The following DAGLB variants were observed in gnomAD, a reference collection of about 807,000 sequenced individuals.
The protein encoded by DAGLB is diacylglycerol lipase-beta.
Under a neutral mutation model 72.1 loss-of-function variants are expected in DAGLB, and 66 were observed. The ratio of observed to expected loss-of-function variants is 0.92; its 90% CI spans 0.75 to 1.12. The LOEUF is 1.12. Among genes scored for constraint, DAGLB ranks in the 50% most tolerant of loss-of-function variants. DAGLB has a pLI of 0.00. For missense variants in DAGLB, 1,065 were observed against 884.9 expected (o/e 1.20, Z -2.58); for synonymous variants, 414 against 359.5 (o/e 1.15, Z -1.71).
chr7:6,447,001 C>T (rs905810946), intron 1 of DAGLB, among the ~76,000 whole-genome samples: 23 of 152,118 alleles, frequency 1.5e-4, no homozygotes, highest in African/African-American at 5.5e-4. Flanking sequence ...CAGAGTGAGA[C>T]CCTGTCTCAA....
Position 6,409,569 on chromosome 7 carries a change from G to A in DAGLB, c.*268C>T, listed in dbSNP as rs113378075. 5.3e-5 allele frequency: 27 copies of A among 514,054 alleles called. No individual in the cohort carries two copies. Among genetic ancestry groups the A allele is most frequent in the African/African-American group, 3.8e-4 (20 of 52,038 alleles). 31.8% of individuals were successfully genotyped at this position (514,054 alleles called of 1,614,324 possible). On this transcript the variant is annotated 3_prime_UTR_variant, in exon 15 of 15. Coordinates refer to ENST00000297056, the MANE Select transcript of DAGLB (RefSeq NM_139179.4). ...TCAGACAGCCAAGGGATCCATCCAC[G>A]GGCCAGGGCTTCCCGAGGCTGTCTC...
chr7:6,437,605 T>C lies in DAGLB; in HGVS notation c.248-1072A>G, dbSNP rs188838971. Among the ~76,000 whole-genome samples the C allele has an allele frequency of 2.3e-3, 344 of 152,244 alleles. 5 individuals are homozygous for C. Among genetic ancestry groups the C allele is most frequent in the Admixed American group, 0.02 (302 of 15,272 alleles). On this transcript the variant is annotated intron_variant, in intron 2 of 14. Coordinates refer to ENST00000297056, the MANE Select transcript of DAGLB (RefSeq NM_139179.4). ...CACCACCACGCTGAAATAGGCCTCA[T>C]AGTCCCATAGACAGTTGTTTTTTTG...
chr7:6,440,979 G>A (rs1405940643), intron 2 of DAGLB, among the ~76,000 whole-genome samples: 1 of 151,674 alleles, frequency 6.6e-6, no homozygotes, highest in African/African-American at 2.4e-5. Flanking sequence ...TTTGAGGGGG[G>A]GACGGAGTTT....
chr7:6,432,870 G>A lies in DAGLB; in HGVS notation c.768C>T (p.Ala256=). 1 of 1,613,938 alleles carries A rather than the reference G, an allele frequency of 6.2e-7. No individual in the cohort carries two copies. Among genetic ancestry groups the A allele is most frequent in the Non-Finnish European group, 8.5e-7 (1 of 1,180,016 alleles). ...TCCCTGGGGCATGGCAGACCACCTG[G>A]GCAGGCTCTTGGTTGTTCCTGATAT... ...QDNIRNNQEP[A]QVVCHAPGSS... Residue 256 remains alanine (A), a synonymous_variant, in exon 5 of 15, where the codon GCC becomes GCT. Transcript: ENST00000297056.
At position 6,447,937 on chromosome 7, in the gene DAGLB, G is replaced by A. The variant is rs980449919; in HGVS notation, c.-95C>T. 7.0e-5 allele frequency: 103 copies of A among 1,461,218 alleles called. No individual in the cohort carries two copies. The highest frequency in any genetic ancestry group is 8.8e-5 in the Non-Finnish European group (98 of 1,109,978). 90.5% of individuals were successfully genotyped at this position (1,461,218 alleles called of 1,614,324 possible). On this transcript the variant is annotated 5_prime_UTR_variant, in exon 1 of 15. Coordinates refer to ENST00000297056, the MANE Select transcript of DAGLB (RefSeq NM_139179.4). ...TCCGGACGCCGCCACCAAATTATCG[G>A]CGCTCAAGCGCAAACGCAGCGAGGG...
chr7:6,420,031 C>T (rs975668868), intron 9 of DAGLB, among the ~76,000 whole-genome samples: 2 of 152,162 alleles, frequency 1.3e-5, no homozygotes, highest in Non-Finnish European at 2.9e-5. Flanking sequence ...CCTGTAATCC[C>T]AGCTACTTGG....
In DAGLB at chr7:6,447,756, T is replaced by G. The variant is rs1444917456; in HGVS notation, c.87A>C (p.Arg29=). The change falls in exon 1 of 15, where the codon CGA becomes CGC. Residue 29 remains arginine (R), a synonymous_variant. Coordinates refer to ENST00000297056, the MANE Select transcript of DAGLB (RefSeq NM_139179.4). ...GTAGCCGCCGTCCTTACCACAGCAC[T>G]CGCACGACCAGCTCGAAGAACCCTG... ...VFPGFFELVV[R]VLWWIGILTL... 1 of 1,612,586 alleles carries G rather than the reference T, an allele frequency of 6.2e-7. No individual in the cohort carries two copies. Among genetic ancestry groups the G allele is most frequent in the African/African-American group, 1.3e-5 (1 of 74,726 alleles).
rs1196955020 is a variant in DAGLB, at chr7:6,416,668, C to CT, written c.1385dup (p.Val463GlyfsTer59). The CT allele has an allele frequency of 6.2e-7, 1 of 1,613,574 alleles. No homozygotes were observed. The highest frequency in any genetic ancestry group is 2.2e-5 in the East Asian group (1 of 44,894). ...GTGGGGAGAAGGCGTAGCACCTGAC[C>CT]TGCGGGTAGGCGGCTCTGAGCATGG... On this transcript the variant is annotated frameshift_variant, in exon 11 of 15. Transcript: ENST00000297056. LOFTEE classifies it high-confidence loss of function.
intron 5 of DAGLB, among the ~76,000 whole-genome samples, chr7:6,431,927 G>C (rs928765548): frequency 1.3e-5 from 2 of 152,208 alleles, no homozygotes; most frequent in African/African-American, 2.4e-5. Context: ...TGCTGCTAAT[G>C]AAACTGCTGT....
intron 5 of DAGLB, among the ~76,000 whole-genome samples, chr7:6,431,831 A>G (rs1784496577): frequency 2.6e-5 from 4 of 152,154 alleles, no homozygotes; most frequent in African/African-American, 9.6e-5. Flanking sequence ...GGTTCCCACT[A>G]CCTGAACTCC....
chr7:6,444,512 G>C (rs983846672), intron 2 of DAGLB, among the ~76,000 whole-genome samples: 2 of 152,272 alleles, frequency 1.3e-5, no homozygotes, highest in East Asian at 1.9e-4. Flanking sequence ...TGAGGCACAA[G>C]AATCACTTGA....
At chr7:6,428,789 A>T (rs1784391979) in intron 6 of DAGLB, among the ~76,000 whole-genome samples, 2 of 151,920 alleles carry the variant, frequency 1.3e-5, no homozygotes, top group Admixed American at 1.3e-4. Context: ...ACCTGGTGGG[A>T]TATAGACATA....
At chr7:6,442,735 G>C (rs1488211101) in intron 2 of DAGLB, among the ~76,000 whole-genome samples, 2 of 152,164 alleles carry the variant, frequency 1.3e-5, no homozygotes, top group African/African-American at 4.8e-5. Context: ...CTCCTTGCGT[G>C]GATGTTTCTA....
rs181587408 is a variant in DAGLB at position 6,423,691 on chromosome 7, G to A, written c.1140+1061C>T. Reference sequence around the variant, plus strand: ...CAACCTCCGCCTCCCGGGTTCAAGTGATTCTCCTGCCTCAGCCTCCTGAGT... The same window carrying A: ...CAACCTCCGCCTCCCGGGTTCAAGTAATTCTCCTGCCTCAGCCTCCTGAGT... On this transcript the variant is annotated intron_variant, in intron 8 of 14. Coordinates refer to ENST00000297056, the MANE Select transcript of DAGLB (RefSeq NM_139179.4). Among the ~76,000 whole-genome samples the A allele has an allele frequency of 7.9e-4, 119 of 151,092 alleles. 1 individual carries two copies. The highest frequency in any genetic ancestry group is 2.8e-3 in the African/African-American group (115 of 41,114).
rs565735912 is a variant in DAGLB, at chr7:6,417,064, G to A, written c.1219-143C>T. On this transcript the variant is annotated intron_variant, in intron 9 of 14. Transcript: ENST00000297056. The stretch of plus-strand genomic sequence containing the variant: ...TGCAGAATCAGCAGCCACGTCCATC[G>A]TGCATGGCTGTGCTCCTGGCACCTT... 5.3e-4 allele frequency: 467 copies of A among 876,240 alleles called. 2 individuals carry two copies. In the African/African-American group the frequency reaches 7.1e-3, roughly 13 times the overall value. The allele number at this position is 876,240 out of a possible 1,614,324, so 54.3% of individuals were successfully genotyped here. A position where few individuals can be genotyped will look rare whatever the true frequency, so the allele number is the denominator to read the frequency against.
intron 4 of DAGLB, 62 bp downstream of exon 4, chr7:6,434,700 G>A (rs1365645228): frequency 1.2e-6 from 2 of 1,603,046 alleles, no homozygotes; most frequent in African/African-American, 2.7e-5. Context: ...AGAGGGACCG[G>A]CTCCATCAGA....
At chr7:6,445,238 A>C (rs997906593) in intron 2 of DAGLB, among the ~76,000 whole-genome samples, 18 of 152,254 alleles carry the variant, frequency 1.2e-4, no homozygotes, top group African/African-American at 4.1e-4. Flanking sequence ...AATGCCTACC[A>C]AATGGCAAAG....
At chr7:6,439,459 C>A (rs933393419) in intron 2 of DAGLB, among the ~76,000 whole-genome samples, 2 of 152,100 alleles carry the variant, frequency 1.3e-5, no homozygotes, top group African/African-American at 4.8e-5. Flanking sequence ...TCATCAGACA[C>A]AGCCACTTAT....
chr7:6,436,505 C>T lies in DAGLB; in HGVS notation c.276G>A (p.Lys92=), dbSNP rs1784663427. Residue 92 remains lysine, a synonymous_variant, in exon 3 of 15, where the codon AAG becomes AAA. Coordinates refer to ENST00000297056, the MANE Select transcript of DAGLB (RefSeq NM_139179.4). ...RGTICNPGPR[K]SMSKLLYIRL... is the part of the protein sequence containing the mutation. Reference sequence around the variant, plus strand: ...GGATGTAAAGCAGCTTAGACATAGACTTCCGCGGTCCAGGGTTACAAATCG... The same window carrying T: ...GGATGTAAAGCAGCTTAGACATAGATTTCCGCGGTCCAGGGTTACAAATCG... 1.2e-6 allele frequency: 2 copies of T among 1,614,076 alleles called. No homozygotes were observed. Among genetic ancestry groups the T allele is most frequent in the Non-Finnish European group, 1.7e-6 (2 of 1,180,040 alleles).
Sources: allele counts gnomAD v4.1 joint callset (sites outside exome capture counted in the v4.1 genomes callset), GRCh38; gene constraint gnomAD v4.1.1; transcripts MANE v1.5; gene names NCBI Gene and HGNC (gene_info 2026-07-23, HGNC 2026-07-21).